The following NUBPL variants were observed in gnomAD, a reference collection of about 807,000 sequenced individuals.
NUBPL encodes the protein iron-sulfur cluster transfer protein NUBPL.
NUBPL carries 31 observed loss-of-function variants against 45.7 expected under a neutral mutation model. That is an observed-to-expected ratio of 0.68 (90% CI 0.51 to 0.92). The LOEUF is 0.92. Ranked by LOEUF, NUBPL falls within the 40% of genes least tolerant of loss-of-function variation. The probability of loss-of-function intolerance (pLI) is 0.00; values close to 1 mark genes in which losing one functional copy is unlikely to be tolerated. For synonymous variants in NUBPL, 144 were observed against 140.9 expected (o/e 1.02, Z -0.15); for missense variants, 401 against 398.7 (o/e 1.01, Z -0.05).
At chr14:31,635,864 C>T (rs1428202982) in intron 4 of NUBPL, among the ~76,000 whole-genome samples, 5 of 152,196 alleles carry the variant, frequency 3.3e-5, no homozygotes, top group Admixed American at 2.6e-4. Flanking sequence ...TGTGAATGGG[C>T]GTTCACTCAT....
intron 10 of NUBPL, among the ~76,000 whole-genome samples, 179 bp downstream of exon 10, chr14:31,850,380 G>T (rs937313644): frequency 6.6e-6 from 1 of 152,136 alleles, no homozygotes; most frequent in Non-Finnish European, 1.5e-5. Flanking sequence ...TCCAGTGCTG[G>T]CTCTAAATTA....
rs1315274564 is a variant in NUBPL at position 31,562,114 on chromosome 14, T to C, written c.155T>C (p.Ile52Thr). The change falls in exon 2 of 11, where the codon ATC becomes ACC. Residue 52 changes from isoleucine (I) to threonine (T), a missense_variant. Physicochemically the swap from Ile to Thr is moderately conservative, Grantham distance 89. Transcript: ENST00000281081. ...SETLKQRRTQ[I>T]MSRGLPKQKP... ...ACCCTAAAACAAAGAAGAACACAAA[T>C]CATGTCCCGAGGACTTCCAAAGCAG... 3.1e-6 allele frequency: 5 copies of C among 1,612,856 alleles called. No individual in the cohort carries two copies. Among genetic ancestry groups the C allele is most frequent in the Non-Finnish European group, 4.2e-6 (5 of 1,179,228 alleles).
intron 6 of NUBPL, among the ~76,000 whole-genome samples, chr14:31,750,877 G>T (rs577077493): frequency 6.6e-6 from 1 of 152,130 alleles, no homozygotes; most frequent in African/African-American, 2.4e-5. Context: ...AAGAAAAAAG[G>T]TTTAATCGAT....
At chr14:31,643,714 A>G (rs2035769389) in intron 4 of NUBPL, among the ~76,000 whole-genome samples, 1 of 152,016 alleles carries the variant, frequency 6.6e-6, no homozygotes, top group Admixed American at 6.6e-5. Context: ...AAGAGTTTGA[A>G]TAGAATTGGC....
chr14:31,666,263 A>ATATATATT, intron 4 of NUBPL, among the ~76,000 whole-genome samples: 1 of 111,888 alleles, frequency 8.9e-6, no homozygotes, highest in Non-Finnish European at 1.9e-5. Flanking sequence ...ATATATATAT[A>ATATATATT]ATTTTATTTT....
chr14:31,718,884 A>G (rs1455803466), intron 6 of NUBPL, among the ~76,000 whole-genome samples: 1 of 152,204 alleles, frequency 6.6e-6, no homozygotes, highest in African/African-American at 2.4e-5. Flanking sequence ...TTGAGTATGA[A>G]CAGAATAAAT....
intron 4 of NUBPL, among the ~76,000 whole-genome samples, chr14:31,672,288 TG>T (rs2036590066): frequency 6.6e-6 from 1 of 151,822 alleles, no homozygotes; most frequent in Non-Finnish European, 1.5e-5. Context: ...TGTGTGTGTG[TG>T]TGTGTGTGTG....
chr14:31,569,884 C>A (rs555471316), intron 3 of NUBPL, among the ~76,000 whole-genome samples: 190 of 152,190 alleles, frequency 1.2e-3, no homozygotes, highest in Non-Finnish European at 2.4e-3. Flanking sequence ...TTTGATTTTT[C>A]TTTTTTCTCT....
intron 6 of NUBPL, among the ~76,000 whole-genome samples, chr14:31,735,228 T>C: frequency 6.6e-6 from 1 of 151,822 alleles, no homozygotes; most frequent in Non-Finnish European, 1.5e-5. Context: ...TATGTAGACC[T>C]AGTAGATTTC....
chr14:31,747,815 A>C (rs943255230), intron 6 of NUBPL, among the ~76,000 whole-genome samples: 1 of 151,654 alleles, frequency 6.6e-6, no homozygotes, highest in Non-Finnish European at 1.5e-5. Context: ...CTTTCACTCT[A>C]ATCTTTATTC....
intron 10 of NUBPL, among the ~76,000 whole-genome samples, chr14:31,854,178 G>A (rs1277624650): frequency 6.6e-6 from 1 of 152,174 alleles, no homozygotes; most frequent in Non-Finnish European, 1.5e-5. Flanking sequence ...AAAGACCTTT[G>A]TGCACTTTGG....
intron 7 of NUBPL, among the ~76,000 whole-genome samples, chr14:31,788,167 G>A (rs551709079): frequency 1.3e-5 from 2 of 152,306 alleles, no homozygotes; most frequent in African/African-American, 4.8e-5. Context: ...ATTTATTGAA[G>A]AAAGTACATG....
In NUBPL at chr14:31,855,269, C is replaced by T. The variant is rs138232709; in HGVS notation, c.898-3849C>T. On this transcript the variant is annotated intron_variant, in intron 10 of 10. Coordinates refer to ENST00000281081, the MANE Select transcript of NUBPL (RefSeq NM_025152.3). ...TCAGCACATTTGATTTGAGAGAAAC[C>T]TTTCTTTATAAGTAGATGTTATTTC... Among the ~76,000 whole-genome samples, 965 of 152,282 alleles carry T rather than the reference C, an allele frequency of 6.3e-3. 9 individuals are homozygous for T. Among genetic ancestry groups the T allele is most frequent in the Non-Finnish European group, 7.6e-3 (516 of 68,006 alleles).
intron 6 of NUBPL, among the ~76,000 whole-genome samples, chr14:31,683,602 C>T (rs1270847806): frequency 1.3e-5 from 2 of 152,104 alleles, no homozygotes; most frequent in African/African-American, 4.8e-5. Flanking sequence ...CTGCCCGCCT[C>T]AGCCCCCCAA....
intron 4 of NUBPL, among the ~76,000 whole-genome samples, chr14:31,654,531 C>T (rs955999072): frequency 4.0e-5 from 6 of 151,844 alleles, no homozygotes; most frequent in Non-Finnish European, 8.8e-5. Context: ...GCCTCAGCCT[C>T]CAGAGTAGCT....
intron 6 of NUBPL, among the ~76,000 whole-genome samples, chr14:31,733,088 A>G (rs926442177): frequency 1.3e-5 from 2 of 152,110 alleles, no homozygotes; most frequent in Admixed American, 6.5e-5. Flanking sequence ...TTTTTCCTAT[A>G]CAGATGTCCA....
intron 10 of NUBPL, among the ~76,000 whole-genome samples, chr14:31,850,779 C>T (rs1309250704): frequency 6.6e-6 from 1 of 150,988 alleles, no homozygotes; most frequent in African/African-American, 2.4e-5. Context: ...GTGTACACCA[C>T]CATGCCCTGC....
At chr14:31,572,750 A>G (rs1364910787) in intron 3 of NUBPL, among the ~76,000 whole-genome samples, 3 of 152,120 alleles carry the variant, frequency 2.0e-5, no homozygotes, top group African/African-American at 7.2e-5. Context: ...TCATTAGGCG[A>G]CTTCATTTTT....
At chr14:31,782,053 T>C (rs2138799608) in intron 6 of NUBPL, among the ~76,000 whole-genome samples, 1 of 152,350 alleles carries the variant, frequency 6.6e-6, no homozygotes, top group Admixed American at 6.5e-5. Flanking sequence ...AAATAATTTT[T>C]TTCTCACTGA....
Sources: allele counts gnomAD v4.1 joint callset (sites outside exome capture counted in the v4.1 genomes callset), GRCh38; gene constraint gnomAD v4.1.1; transcripts MANE v1.5; gene names NCBI Gene and HGNC (gene_info 2026-07-23, HGNC 2026-07-21).